Variants in CDH8 observed in about 807,000 individuals in gnomAD.
CDH8 encodes cadherin-8.
Under a neutral mutation model 68.1 loss-of-function variants are expected in CDH8, and 17 were observed. That is an observed-to-expected ratio of 0.25 (90% CI 0.17 to 0.37). The LOEUF is 0.37. CDH8 is among the 10% of genes least tolerant of loss of function. The pLI is 1.00. For missense variants in CDH8, 763 were observed against 999.3 expected (o/e 0.76, Z 3.19); for synonymous variants, 372 against 365.1 (o/e 1.02, Z -0.21).
chr16:61,711,489 A>C (rs1261341457), intron 10 of CDH8: 1 of 151,812 alleles, frequency 6.6e-6, no homozygotes, highest in Non-Finnish European at 1.5e-5. Flanking sequence ...TTTAAAATTC[A>C]TCTTAAGAAG....
chr16:61,792,949 A>G (rs1457733917), intron 7 of CDH8, among the ~76,000 whole-genome samples: 4 of 152,014 alleles, frequency 2.6e-5, no homozygotes, highest in Non-Finnish European at 4.4e-5. Flanking sequence ...ACAACATTCT[A>G]TGATTTGAAT....
At chr16:61,863,974 C>A (rs1963203910) in intron 3 of CDH8, among the ~76,000 whole-genome samples, 1 of 152,174 alleles carries the variant, frequency 6.6e-6, no homozygotes, top group African/African-American at 2.4e-5. Flanking sequence ...CTCAACCCAA[C>A]TCCTCTCATC....
chr16:61,698,470 A>G (rs1964367411), intron 10 of CDH8, among the ~76,000 whole-genome samples: 1 of 152,116 alleles, frequency 6.6e-6, no homozygotes, highest in Admixed American at 6.6e-5. Context: ...GGGATCACGG[A>G]TAATATAATC....
intron 7 of CDH8, among the ~76,000 whole-genome samples, chr16:61,793,544 G>A (rs1961430649): frequency 6.6e-6 from 1 of 151,840 alleles, no homozygotes; most frequent in African/African-American, 2.4e-5. Context: ...AATGATAATG[G>A]CCTCCAGCTC....
At chr16:61,670,322 A>AT (rs550884669) in intron 10 of CDH8, among the ~76,000 whole-genome samples, 1 of 152,066 alleles carries the variant, frequency 6.6e-6, no homozygotes, top group Non-Finnish European at 1.5e-5. Context: ...TATAAAGTAA[A>AT]TGTAAAGTAG....
chr16:61,871,538 A>C (rs1434493894), intron 3 of CDH8, among the ~76,000 whole-genome samples: 1 of 152,030 alleles, frequency 6.6e-6, no homozygotes, highest in Non-Finnish European at 1.5e-5. Flanking sequence ...TAACAAATAA[A>C]TATTTATTTA....
chr16:61,976,068 G>T (rs888214625), intron 2 of CDH8, among the ~76,000 whole-genome samples: 1 of 152,052 alleles, frequency 6.6e-6, no homozygotes, highest in South Asian at 2.1e-4. Context: ...TGCAGTGCCT[G>T]AAAAAAATAA....
At chr16:61,920,248 C>T (rs1388213652) in intron 2 of CDH8, among the ~76,000 whole-genome samples, 4 of 133,904 alleles carry the variant, frequency 3.0e-5, no homozygotes, top group South Asian at 2.7e-4. Context: ...CCAAAATTGA[C>T]AAATGGGATC....
In CDH8 at chr16:61,966,302, G is replaced by A. The variant is rs377222249; in HGVS notation, c.252+54850C>T. Among the ~76,000 whole-genome samples the A allele has an allele frequency of 5.1e-5, 7 of 138,070 alleles. No homozygotes were observed. In the South Asian group the frequency reaches 1.8e-3, roughly 36 times the overall value. The allele number at this position is 138,070 out of a possible 152,430, so 90.6% of individuals were successfully genotyped here. On this transcript the variant is annotated intron_variant, in intron 2 of 11. Transcript: ENST00000577390. ...CGTCTGTAATCCCAGCACTTTGGGA[G>A]GCAGAGGTGGGCAGATCACGATGTC...
intron 2 of CDH8, among the ~76,000 whole-genome samples, chr16:61,966,359 G>A (rs976318405): frequency 2.6e-5 from 4 of 152,012 alleles, no homozygotes; most frequent in Non-Finnish European, 5.9e-5. Context: ...CCAACATGGT[G>A]AAACCCCATC....
intron 8 of CDH8, among the ~76,000 whole-genome samples, chr16:61,741,563 A>G (rs577532267): frequency 2.6e-4 from 40 of 152,114 alleles, no homozygotes; most frequent in Admixed American, 1.3e-4. Flanking sequence ...GGTTGGAAGC[A>G]CAAGTCACAG....
intron 2 of CDH8, among the ~76,000 whole-genome samples, chr16:61,997,003 G>A (rs1965815561): frequency 6.7e-6 from 1 of 150,274 alleles, no homozygotes; most frequent in African/African-American, 2.4e-5. Context: ...TTGTGTGTAT[G>A]TGTGTGTGTG....
intron 8 of CDH8, among the ~76,000 whole-genome samples, chr16:61,763,009 C>T (rs1467605523): frequency 1.3e-5 from 2 of 152,130 alleles, no homozygotes; most frequent in Non-Finnish European, 2.9e-5. Flanking sequence ...AAAATAAGAG[C>T]ATTTGGACAC....
At chr16:61,825,607 T>C (rs1962314230) in intron 4 of CDH8, among the ~76,000 whole-genome samples, 1 of 151,806 alleles carries the variant, frequency 6.6e-6, no homozygotes, top group African/African-American at 2.4e-5. Context: ...AGGTCAAAGA[T>C]AAATTATTCT....
At chr16:61,978,061 G>T (rs1177488428) in intron 2 of CDH8, among the ~76,000 whole-genome samples, 1 of 152,098 alleles carries the variant, frequency 6.6e-6, no homozygotes, top group African/African-American at 2.4e-5. Flanking sequence ...TTTAAGTCCA[G>T]AATCTACAGA....
chr16:61,752,856 T>C (rs1960204802), intron 8 of CDH8, among the ~76,000 whole-genome samples: 4 of 152,158 alleles, frequency 2.6e-5, no homozygotes. Flanking sequence ...AAAAGGCACA[T>C]ACACAAATAA....
At chr16:61,998,197 A>T (rs1402544351) in intron 2 of CDH8, among the ~76,000 whole-genome samples, 1 of 152,224 alleles carries the variant, frequency 6.6e-6, no homozygotes. Context: ...GATAAAATGA[A>T]TGAAGCAAAA....
At chr16:61,749,640 A>G (rs1596929576) in intron 8 of CDH8, among the ~76,000 whole-genome samples, 2 of 152,058 alleles carry the variant, frequency 1.3e-5, no homozygotes, top group African/African-American at 4.8e-5. Context: ...AAAGGCTTGA[A>G]TGAAATTATA....
At chr16:61,900,606 A>C (rs1340823598) in intron 3 of CDH8, among the ~76,000 whole-genome samples, 1 of 152,218 alleles carries the variant, frequency 6.6e-6, no homozygotes, top group Non-Finnish European at 1.5e-5. Context: ...TCAATGACTC[A>C]GAAAAATTGA....
Sources: allele counts gnomAD v4.1 joint callset (sites outside exome capture counted in the v4.1 genomes callset), GRCh38; gene constraint gnomAD v4.1.1; transcripts MANE v1.5; gene names NCBI Gene and HGNC (gene_info 2026-07-23, HGNC 2026-07-21).